Variants in ARID4B observed in about 807,000 individuals in gnomAD.
ARID4B encodes AT-rich interactive domain-containing protein 4B.
In ARID4B, 26 loss-of-function variants were observed where a neutral mutation model predicts 147.5. The observed-to-expected ratio is 0.18, with a 90% CI of 0.13 to 0.24. The LOEUF (loss-of-function observed/expected upper bound fraction) is 0.24. Ranked by LOEUF, ARID4B falls within the 10% of genes least tolerant of loss-of-function variation. The probability of loss-of-function intolerance (pLI) is 1.00; values close to 1 mark genes in which losing one functional copy is unlikely to be tolerated. For missense variants in ARID4B, 1,179 were observed against 1,511.5 expected, an observed-to-expected ratio of 0.78 and a Z score of 3.65; for synonymous variants, 512 against 507.9, an observed-to-expected ratio of 1.01 and a Z score of -0.11.
intron 2 of ARID4B, among the ~76,000 whole-genome samples, chr1:235,324,589 T>C (rs1346013731): frequency 1.3e-5 from 2 of 152,214 alleles, no homozygotes; most frequent in Non-Finnish European, 2.9e-5. Flanking sequence ...ACAAATATGT[T>C]TGGTAAGATC....
intron 2 of ARID4B, among the ~76,000 whole-genome samples, chr1:235,302,361 G>A (rs1673242222): frequency 6.7e-6 from 1 of 150,322 alleles, no homozygotes; most frequent in African/African-American, 2.5e-5. Context: ...AGGGAAAGGA[G>A]TGGGGACAGA....
intron 19 of ARID4B, among the ~76,000 whole-genome samples, chr1:235,192,086 A>G (rs1402523612): frequency 6.6e-6 from 1 of 152,176 alleles, no homozygotes; most frequent in Non-Finnish European, 1.5e-5. Flanking sequence ...CAAAAACAAA[A>G]CAAAAAAACA....
intron 9 of ARID4B, 104 bp downstream of exon 9, chr1:235,234,309 G>C: frequency 2.7e-6 from 2 of 735,994 alleles, no homozygotes; most frequent in Non-Finnish European, 4.6e-6. Context: ...AAAAATAAAA[G>C]CCTAAGGTAA....
Position 235,182,557 on chromosome 1 carries a change from C to A in ARID4B, c.2362G>T (p.Val788Leu). The change falls in exon 20 of 24, where the codon GTA (valine) becomes TTA (leucine). Residue 788 changes from valine (V) to leucine (L), a missense_variant. Transcript: ENST00000264183. Reference sequence around the variant, plus strand: ...TCATAATCAGTATCTTCGGATAATACTTCTATATCTTTCCTTAATCTTTCT... The same window carrying A: ...TCATAATCAGTATCTTCGGATAATAATTCTATATCTTTCCTTAATCTTTCT... ...SPERLRKDIE[V>L]LSEDTDYEED... 6.2e-7 allele frequency: 1 copy of A among 1,612,190 alleles called. No individual in the cohort carries two copies. Among genetic ancestry groups the A allele is most frequent in the Non-Finnish European group, 8.5e-7 (1 of 1,179,618 alleles).
chr1:235,301,846 C>G (rs1274246782), intron 2 of ARID4B, among the ~76,000 whole-genome samples: 1 of 151,902 alleles, frequency 6.6e-6, no homozygotes, highest in Non-Finnish European at 1.5e-5. Context: ...TCCCAAGTAA[C>G]TGGGATTACA....
chr1:235,235,945 CTTT>C (rs397795149), intron 8 of ARID4B, among the ~76,000 whole-genome samples: 1 of 142,040 alleles, frequency 7.0e-6, no homozygotes, highest in Admixed American at 7.1e-5. Flanking sequence ...TTTTCTTTTT[CTTT>C]TTTTTTTTTT....
chr1:235,288,154 A>C (rs1672107802), intron 2 of ARID4B, among the ~76,000 whole-genome samples: 1 of 152,200 alleles, frequency 6.6e-6, no homozygotes, highest in African/African-American at 2.4e-5. Context: ...TATTAAAGAA[A>C]TATAAAAATT....
chr1:235,237,977 G>T (rs10925194), intron 8 of ARID4B, among the ~76,000 whole-genome samples: 1 of 151,458 alleles, frequency 6.6e-6, no homozygotes, highest in African/African-American at 2.4e-5. Flanking sequence ...ATGGAGAAAC[G>T]CTGTCTCTAC....
At chr1:235,180,993 G>A (rs1465081318) in intron 20 of ARID4B, 1 of 411,924 alleles carries the variant, frequency 2.4e-6, no homozygotes, top group Non-Finnish European at 3.3e-6. Context: ...TATTACTGTA[G>A]GTTATTAACG....
intron 2 of ARID4B, among the ~76,000 whole-genome samples, chr1:235,315,231 C>T (rs1005486081): frequency 1.1e-4 from 17 of 152,140 alleles, no homozygotes; most frequent in African/African-American, 4.1e-4. Flanking sequence ...CAAGACTAGC[C>T]TGGGCAAGAT....
chr1:235,280,912 G>A (rs748185200), intron 2 of ARID4B, among the ~76,000 whole-genome samples: 1 of 151,704 alleles, frequency 6.6e-6, no homozygotes, highest in Non-Finnish European at 1.5e-5. Context: ...TTGGGTGAGC[G>A]CTAATTCTCA....
chr1:235,301,744 C>T (rs61836167), intron 2 of ARID4B, among the ~76,000 whole-genome samples: 43,897 of 149,828 alleles, frequency 0.29, 7,514 homozygotes, highest in South Asian at 0.53. Context: ...GATGCAGTCT[C>T]GCTCTTATCA....
intron 2 of ARID4B, among the ~76,000 whole-genome samples, chr1:235,304,155 G>A (rs563484465): frequency 6.6e-6 from 1 of 152,262 alleles, no homozygotes; most frequent in South Asian, 2.1e-4. Context: ...CCAGGAGTTT[G>A]AGACCAGCGT....
intron 22 of ARID4B, 41 bp downstream of exon 22, chr1:235,175,143 G>A: frequency 1.3e-6 from 2 of 1,526,912 alleles, no homozygotes; most frequent in Non-Finnish European, 1.8e-6. Flanking sequence ...AGAGTTACTA[G>A]GATGAAGTTT....
chr1:235,325,220 T>TA (rs1475767645), intron 2 of ARID4B, among the ~76,000 whole-genome samples: 1 of 152,116 alleles, frequency 6.6e-6, no homozygotes, highest in Non-Finnish European at 1.5e-5. Context: ...AGCACCTTTT[T>TA]AAAAAATGCA....
rs1479792166 is a variant in ARID4B at position 235,181,715 on chromosome 1, T to G, written c.3204A>C (p.Thr1068=). Residue 1068 remains threonine (T), a synonymous_variant, in exon 20 of 24, where the codon ACA becomes ACC. Coordinates refer to ENST00000264183, the MANE Select transcript of ARID4B (RefSeq NM_016374.6). ...CCCCAGCAACACTATCCACCTCAAT[T>G]GTGCTATCAGTTTCACTCTTGATAC... is the stretch of plus-strand genomic sequence containing the variant. The part of the protein sequence containing the change: ...VRSIKSETDS[T]IEVDSVAGEL... The G allele has an allele frequency of 6.2e-7, 1 of 1,614,110 alleles. No homozygotes were observed. Among genetic ancestry groups the G allele is most frequent in the South Asian group, 1.1e-5 (1 of 91,076 alleles).
At chr1:235,290,172 T>A (rs1672248370) in intron 2 of ARID4B, among the ~76,000 whole-genome samples, 1 of 152,136 alleles carries the variant, frequency 6.6e-6, no homozygotes, top group Non-Finnish European at 1.5e-5. Context: ...TAAATCTGTA[T>A]AACCTGAACG....
At chr1:235,289,041 C>T (rs748400390) in intron 2 of ARID4B, among the ~76,000 whole-genome samples, 2 of 152,252 alleles carry the variant, frequency 1.3e-5, no homozygotes, top group South Asian at 4.2e-4. Context: ...AACACACAAC[C>T]CTGGCCCCAG....
chr1:235,297,542 T>C (rs1672824992), intron 2 of ARID4B, among the ~76,000 whole-genome samples: 1 of 152,150 alleles, frequency 6.6e-6, no homozygotes, highest in Non-Finnish European at 1.5e-5. Flanking sequence ...TAGTCAACAA[T>C]CCTCAGATGC....
Sources: allele counts gnomAD v4.1 joint callset (sites outside exome capture counted in the v4.1 genomes callset), GRCh38; gene constraint gnomAD v4.1.1; transcripts MANE v1.5; gene names NCBI Gene and HGNC (gene_info 2026-07-23, HGNC 2026-07-21).